The following LPAR3 variants were observed in gnomAD, a reference collection of about 807,000 sequenced individuals.
The protein encoded by LPAR3 is lysophosphatidic acid receptor 3, also known as LPA receptor 3.
A neutral mutation model predicts 17.8 loss-of-function variants in LPAR3; 7 were observed. The observed-to-expected ratio is 0.39, with a 90% CI of 0.22 to 0.74. LPAR3 has a LOEUF of 0.74. LPAR3 is among the 30% of genes least tolerant of loss of function. LPAR3 has a pLI of 0.40. For missense variants in LPAR3, 391 were observed against 453.4 expected (o/e 0.86, Z 1.25); for synonymous variants, 179 against 179.9 (o/e 0.99, Z 0.04).
chr1:84,843,029 G>T (rs539709960), intron 2 of LPAR3, among the ~76,000 whole-genome samples: 2 of 152,286 alleles, frequency 1.3e-5, no homozygotes, highest in South Asian at 2.1e-4. Flanking sequence ...GGTCTGAGAG[G>T]GGGAGGACCA....
chr1:84,834,983 T>G (rs1178390827), intron 2 of LPAR3, among the ~76,000 whole-genome samples: 1 of 152,230 alleles, frequency 6.6e-6, no homozygotes, highest in African/African-American at 2.4e-5. Context: ...TAACTTCTAC[T>G]TGGTCCTAGT....
intron 1 of LPAR3, among the ~76,000 whole-genome samples, chr1:84,887,560 C>A (rs1660484371): frequency 6.6e-6 from 1 of 151,954 alleles, no homozygotes; most frequent in South Asian, 2.1e-4. Flanking sequence ...TTTGGGGAAA[C>A]AAAGGGAAAC....
intron 1 of LPAR3, among the ~76,000 whole-genome samples, chr1:84,882,259 A>T (rs1660379582): frequency 6.6e-6 from 1 of 152,204 alleles, no homozygotes; most frequent in Non-Finnish European, 1.5e-5. Flanking sequence ...AAAGAATAAA[A>T]CCCTGACAAA....
At chr1:84,863,952 C>G (rs1659989456) in intron 2 of LPAR3, among the ~76,000 whole-genome samples, 1 of 152,138 alleles carries the variant, frequency 6.6e-6, no homozygotes, top group Non-Finnish European at 1.5e-5. Flanking sequence ...TGGCTCACAC[C>G]TGTAATCCCA....
At chr1:84,867,147 C>T (rs551894697) in intron 1 of LPAR3, among the ~76,000 whole-genome samples, 139 of 152,296 alleles carry the variant, frequency 9.1e-4, no homozygotes, top group African/African-American at 3.2e-3. Flanking sequence ...ATCCCAAAAG[C>T]GAGGGATCTT....
At chr1:84,844,880 G>C (rs879376719) in intron 2 of LPAR3, among the ~76,000 whole-genome samples, 2 of 152,056 alleles carry the variant, frequency 1.3e-5, no homozygotes, top group Admixed American at 1.3e-4. Flanking sequence ...TGTTAACAGT[G>C]GTTCTAAAAT....
chr1:84,887,961 G>A (rs1189618153), intron 1 of LPAR3, among the ~76,000 whole-genome samples: 2 of 152,052 alleles, frequency 1.3e-5, no homozygotes, highest in African/African-American at 4.8e-5. Flanking sequence ...TCTGTGGATT[G>A]GATGATAGTG....
intron 1 of LPAR3, among the ~76,000 whole-genome samples, chr1:84,887,108 TA>T (rs1557611280): frequency 1.3e-5 from 2 of 152,170 alleles, no homozygotes; most frequent in African/African-American, 4.8e-5. Flanking sequence ...CTCATGCCTG[TA>T]ATCCCAGCAC....
intron 2 of LPAR3, among the ~76,000 whole-genome samples, chr1:84,816,745 C>T (rs1443797186): frequency 6.6e-6 from 1 of 152,092 alleles, no homozygotes; most frequent in African/African-American, 2.4e-5. Context: ...TGCAGTGAAC[C>T]GAGATTGTGC....
chr1:84,862,180 T>A (rs925237172), intron 2 of LPAR3, among the ~76,000 whole-genome samples: 1 of 152,238 alleles, frequency 6.6e-6, no homozygotes, highest in African/African-American at 2.4e-5. Flanking sequence ...ATTGACACTA[T>A]CTGTAAATAC....
Position 84,813,984 on chromosome 1 carries a change from G to C in LPAR3, c.924C>G (p.Ile308Met). 6.2e-7 allele frequency: 1 copy of C among 1,614,232 alleles called. No homozygotes were observed. Among genetic ancestry groups the C allele is most frequent in the Non-Finnish European group, 8.5e-7 (1 of 1,180,036 alleles). ...EDMYGTMKKM[I>M]CCFSQENPER... ...CTGGGTTCTCCTGAGAGAAGCAGCA[G>C]ATCATCTTCTTCATGGTGCCATACA... The change falls in exon 3 of 3, where the codon ATC becomes ATG. Residue 308 changes from isoleucine (I) to methionine (M), a missense_variant. Coordinates refer to ENST00000370611, the MANE Select transcript of LPAR3 (RefSeq NM_012152.3).
At chr1:84,827,476 A>T (rs983747320) in intron 2 of LPAR3, among the ~76,000 whole-genome samples, 4 of 150,802 alleles carry the variant, frequency 2.7e-5, no homozygotes, top group African/African-American at 9.9e-5. Flanking sequence ...ATAGAAGCAT[A>T]CCCTCCCTTC....
In LPAR3 at chr1:84,813,813, G is replaced by A. The variant is rs1322130988; in HGVS notation, c.*33C>T. 5 of 1,551,780 alleles carry A rather than the reference G, an allele frequency of 3.2e-6. No homozygotes were observed. The highest frequency in any genetic ancestry group is 4.4e-6 in the Non-Finnish European group (5 of 1,129,472). ...CATTCTTAACAGCTCTTTTCCCAGAGGAGGCCTGGGTGGGCCGAGAGGCAT... is the reference window on the plus strand; with the variant it reads ...CATTCTTAACAGCTCTTTTCCCAGAAGAGGCCTGGGTGGGCCGAGAGGCAT... On this transcript the variant is annotated 3_prime_UTR_variant, in exon 3 of 3. Coordinates refer to ENST00000370611, the MANE Select transcript of LPAR3 (RefSeq NM_012152.3).
intron 2 of LPAR3, among the ~76,000 whole-genome samples, chr1:84,864,350 A>G (rs927995063): frequency 3.9e-5 from 6 of 152,212 alleles, no homozygotes; most frequent in Non-Finnish European, 8.8e-5. Context: ...CTTTTGTGAA[A>G]AATCAGAACT....
chr1:84,884,638 G>A (rs1390343533), intron 1 of LPAR3, among the ~76,000 whole-genome samples: 2 of 152,114 alleles, frequency 1.3e-5, no homozygotes, highest in Admixed American at 1.3e-4. Flanking sequence ...GTTAAATGAT[G>A]TTAACACCTT....
chr1:84,835,422 ATCTTTGTGGAGTT>A (rs1659377148), intron 2 of LPAR3, among the ~76,000 whole-genome samples: 1 of 152,092 alleles, frequency 6.6e-6, no homozygotes, highest in Non-Finnish European at 1.5e-5. Context: ...GGTCTTACTC[ATCTTTGTGGAGTT>A]GTGATTCGCA....
At chr1:84,846,166 CA>C (rs1165622441) in intron 2 of LPAR3, among the ~76,000 whole-genome samples, 1 of 151,986 alleles carries the variant, frequency 6.6e-6, no homozygotes, top group Non-Finnish European at 1.5e-5. Flanking sequence ...TAAAATATGT[CA>C]AAAAGACTTT....
intron 1 of LPAR3, among the ~76,000 whole-genome samples, chr1:84,879,940 T>C (rs1260665807): frequency 6.6e-6 from 1 of 152,168 alleles, no homozygotes; most frequent in Non-Finnish European, 1.5e-5. Flanking sequence ...AACAAGAAAA[T>C]AAGTATAGAA....
At chr1:84,892,433 A>G (rs1660570520) in intron 1 of LPAR3, among the ~76,000 whole-genome samples, 1 of 152,154 alleles carries the variant, frequency 6.6e-6, no homozygotes, top group African/African-American at 2.4e-5. Context: ...GCTACAGAAC[A>G]AAAGCACTTT....
Sources: allele counts gnomAD v4.1 joint callset (sites outside exome capture counted in the v4.1 genomes callset), GRCh38; gene constraint gnomAD v4.1.1; transcripts MANE v1.5; gene names NCBI Gene and HGNC (gene_info 2026-07-23, HGNC 2026-07-21).